Variants in CAP2 observed in about 807,000 individuals in gnomAD.
CAP2 encodes the protein adenylyl cyclase-associated protein 2.
CAP2 carries 24 observed loss-of-function variants against 57.7 expected under a neutral mutation model. That is an observed-to-expected ratio of 0.42 (90% confidence interval 0.30 to 0.58). CAP2 has a LOEUF of 0.58. Ranked by LOEUF, CAP2 falls within the 20% of genes least tolerant of loss-of-function variation. CAP2 has a pLI of 0.22. For missense variants in CAP2, 501 were observed against 590.3 expected (o/e 0.85, Z 1.57); for synonymous variants, 194 against 207.2 (o/e 0.94, Z 0.55).
At chr6:17,478,220 C>T (rs1057120036) in intron 4 of CAP2, among the ~76,000 whole-genome samples, 3 of 150,812 alleles carry the variant, frequency 2.0e-5, no homozygotes, top group African/African-American at 2.4e-5. Context: ...CTGCAACCAC[C>T]GCCTCCCAGG....
intron 6 of CAP2, among the ~76,000 whole-genome samples, chr6:17,508,592 C>T (rs1426756628): frequency 6.6e-6 from 1 of 152,086 alleles, no homozygotes; most frequent in East Asian, 1.9e-4. Flanking sequence ...GCCCTGGACT[C>T]AAGAGTGGAT....
chr6:17,495,532 T>C (rs1761642310), intron 4 of CAP2, among the ~76,000 whole-genome samples: 1 of 152,096 alleles, frequency 6.6e-6, no homozygotes, highest in African/African-American at 2.4e-5. Flanking sequence ...AGCCACACTT[T>C]CCCTTTGGGG....
chr6:17,445,388 T>A (rs1327408245), intron 3 of CAP2, among the ~76,000 whole-genome samples: 1 of 152,246 alleles, frequency 6.6e-6, no homozygotes, highest in Non-Finnish European at 1.5e-5. Flanking sequence ...ATTGTAGGCG[T>A]GAGCCACCAC....
chr6:17,483,808 T>G (rs73721590), intron 4 of CAP2, among the ~76,000 whole-genome samples: 2,940 of 151,880 alleles, frequency 0.019, 90 homozygotes, highest in African/African-American at 0.061. Context: ...GCTGACGGGG[T>G]TGTTTTCACA....
intron 1 of CAP2, among the ~76,000 whole-genome samples, chr6:17,411,419 G>A (rs547020683): frequency 6.6e-6 from 1 of 152,180 alleles, no homozygotes; most frequent in Non-Finnish European, 1.5e-5. Context: ...CAATGTCTGA[G>A]GGTTCCAATT....
chr6:17,394,013 G>C (rs1758607431), intron 1 of CAP2, among the ~76,000 whole-genome samples: 1 of 149,360 alleles, frequency 6.7e-6, no homozygotes, highest in African/African-American at 2.4e-5. Flanking sequence ...CGCCTCCCCA[G>C]CTCCGGCGTC....
chr6:17,557,570 G>A lies in CAP2; in HGVS notation c.*1128G>A, dbSNP rs1763343659. The A allele has an allele frequency of 6.6e-6, 1 of 152,050 alleles. No homozygotes were observed. The highest frequency in any genetic ancestry group is 2.4e-5 in the African/African-American group (1 of 41,394). The allele number at this position is 152,050 out of a possible 1,614,324, so 9.4% of individuals were successfully genotyped here. A position where few individuals can be genotyped will look rare whatever the true frequency, so the allele number is the denominator to read the frequency against. Reference sequence around the variant, plus strand: ...TATAATGCTTGCAGGCCCAGTACAAGCATATATATTGTGCCTCTTACAGCC... The same window carrying A: ...TATAATGCTTGCAGGCCCAGTACAAACATATATATTGTGCCTCTTACAGCC... On this transcript the variant is annotated 3_prime_UTR_variant, in exon 13 of 13. Transcript: ENST00000229922.
chr6:17,446,181 A>G (rs576851948), intron 3 of CAP2, among the ~76,000 whole-genome samples: 39 of 152,324 alleles, frequency 2.6e-4, no homozygotes, highest in Middle Eastern at 3.4e-3. Flanking sequence ...ATACTAAAAC[A>G]TTTATTTTAC....
At chr6:17,550,301 A>G (rs1428962750) in intron 11 of CAP2, among the ~76,000 whole-genome samples, 1 of 151,422 alleles carries the variant, frequency 6.6e-6, no homozygotes, top group Non-Finnish European at 1.5e-5. Context: ...TTACCAAAAC[A>G]TTACTGCAGA....
intron 12 of CAP2, among the ~76,000 whole-genome samples, chr6:17,552,152 A>G (rs555854876): frequency 2.4e-4 from 36 of 152,220 alleles, no homozygotes; most frequent in Non-Finnish European, 4.4e-4. Context: ...CCTTAAGTCC[A>G]TCCAATGGCC....
chr6:17,402,782 G>C (rs1052216809), intron 1 of CAP2, among the ~76,000 whole-genome samples: 12 of 152,228 alleles, frequency 7.9e-5, no homozygotes, highest in Non-Finnish European at 1.5e-4. Context: ...TCAGTTTTCT[G>C]CAACTTAACT....
chr6:17,408,701 G>A (rs1046667881), intron 1 of CAP2, among the ~76,000 whole-genome samples: 20 of 127,716 alleles, frequency 1.6e-4, no homozygotes, highest in African/African-American at 4.8e-4. Context: ...TCACTCTGTC[G>A]CCACACTGGA....
intron 4 of CAP2, among the ~76,000 whole-genome samples, chr6:17,494,754 G>A (rs1761624532): frequency 6.6e-6 from 1 of 152,142 alleles, no homozygotes; most frequent in Non-Finnish European, 1.5e-5. Flanking sequence ...GTATTATTCT[G>A]GGTGTTTTTG....
At chr6:17,397,652 G>A (rs1261555892) in intron 1 of CAP2, among the ~76,000 whole-genome samples, 47 of 131,228 alleles carry the variant, frequency 3.6e-4, no homozygotes, top group Non-Finnish European at 2.4e-4. Context: ...CCGAGATCGC[G>A]CCACTGCACT....
chr6:17,469,194 G>A (rs1316596963), intron 4 of CAP2, among the ~76,000 whole-genome samples: 3 of 152,236 alleles, frequency 2.0e-5, no homozygotes, highest in Admixed American at 2.0e-4. Context: ...ATCATTCGGG[G>A]AATTCCTGGG....
At chr6:17,484,372 G>A (rs73721592) in intron 4 of CAP2, among the ~76,000 whole-genome samples, 3,707 of 152,248 alleles carry the variant, frequency 0.024, 149 homozygotes, top group African/African-American at 0.08. Flanking sequence ...GTTGGAACCT[G>A]CAGCCTGGCT....
At chr6:17,429,094 A>G (rs933944331) in intron 3 of CAP2, among the ~76,000 whole-genome samples, 4 of 152,172 alleles carry the variant, frequency 2.6e-5, no homozygotes, top group Non-Finnish European at 5.9e-5. Flanking sequence ...CCACAGCACT[A>G]TTGTTACTAC....
intron 3 of CAP2, among the ~76,000 whole-genome samples, chr6:17,427,608 CAAA>C (rs113060001): frequency 8.1e-6 from 1 of 123,886 alleles, no homozygotes. Context: ...GTTGGCTCCT[CAAA>C]AAAAAAAAAA....
At position 17,479,896 on chromosome 6, in the gene CAP2, T is replaced by C. The variant is rs1320622483; in HGVS notation, c.300+16823T>C. ...TCCCAAAGTGCTGGGATTACAGGTGTGAGCCACCGCGCCCAGCTTAATTTT... is the reference window on the plus strand; with the variant it reads ...TCCCAAAGTGCTGGGATTACAGGTGCGAGCCACCGCGCCCAGCTTAATTTT... On this transcript the variant is annotated intron_variant, in intron 4 of 12. Transcript: ENST00000229922. 2.0e-5 allele frequency among the ~76,000 whole-genome samples: 3 copies of C among 152,086 alleles called. No individual in the cohort carries two copies. The East Asian group carries it at 5.8e-4, about 29-fold the overall frequency.
Sources: allele counts gnomAD v4.1 joint callset (sites outside exome capture counted in the v4.1 genomes callset), GRCh38; gene constraint gnomAD v4.1.1; transcripts MANE v1.5; gene names NCBI Gene and HGNC (gene_info 2026-07-23, HGNC 2026-07-21).